ADAMTS6: variants seen among roughly 807,000 people sequenced by gnomAD.
ADAMTS6 encodes ADAM metallopeptidase with thrombospondin type 1 motif 6, also known as A disintegrin and metalloproteinase with thrombospondin motifs 6.
ADAMTS6 carries 23 observed loss-of-function variants against 144.3 expected under a neutral mutation model. The ratio of observed to expected loss-of-function variants is 0.16; its 90% CI spans 0.11 to 0.23. The LOEUF (loss-of-function observed/expected upper bound fraction) is 0.23, where lower values mean the gene tolerates loss of function less well. ADAMTS6 is among the 10% of genes least tolerant of loss of function. The pLI, the probability that ADAMTS6 is intolerant of heterozygous loss-of-function variation, is 1.00. For synonymous variants in ADAMTS6, 444 were observed against 457.5 expected, an observed-to-expected ratio of 0.97 and a Z score of 0.38; for missense variants, 999 against 1,379.6, an observed-to-expected ratio of 0.72 and a Z score of 4.37.
At chr5:65,398,752 A>G (rs1454423170) in intron 7 of ADAMTS6, among the ~76,000 whole-genome samples, 1 of 150,540 alleles carries the variant, frequency 6.6e-6, no homozygotes, top group East Asian at 2.0e-4. Flanking sequence ...AGATAAAGAG[A>G]GAAAGAGAGA....
chr5:65,409,534 AC>A (rs1419237823), intron 7 of ADAMTS6, among the ~76,000 whole-genome samples: 1 of 152,116 alleles, frequency 6.6e-6, no homozygotes, highest in African/African-American at 2.4e-5. Flanking sequence ...AAAGTCCAGG[AC>A]CAGACAGATT....
chr5:65,181,604 C>T (rs900542266), intron 22 of ADAMTS6, among the ~76,000 whole-genome samples: 14 of 152,152 alleles, frequency 9.2e-5, no homozygotes, highest in African/African-American at 3.1e-4. Flanking sequence ...GGCCTTGTGA[C>T]CCATACTTTA....
chr5:65,426,880 A>G (rs1487175933), intron 7 of ADAMTS6, among the ~76,000 whole-genome samples: 1 of 152,190 alleles, frequency 6.6e-6, no homozygotes, highest in African/African-American at 2.4e-5. Context: ...GCCCACAGAT[A>G]AAGAAGGCAC....
chr5:65,398,836 GAAAGAAAGAAAGAAAAAGAAAGAGAA>G, intron 7 of ADAMTS6, among the ~76,000 whole-genome samples: 1 of 131,558 alleles, frequency 7.6e-6, no homozygotes, highest in South Asian at 2.3e-4. Flanking sequence ...AAGAAAGAAA[GAAAGAAAGAAAGAAAAAGAAAGAGAA>G]AGAAAGAAAG....
At chr5:65,453,465 G>A (rs1263201866) in intron 4 of ADAMTS6, among the ~76,000 whole-genome samples, 6 of 152,122 alleles carry the variant, frequency 3.9e-5, no homozygotes, top group Non-Finnish European at 7.4e-5. Context: ...TTTCACTTAG[G>A]TTGGCAGTCT....
At chr5:65,476,749 C>G (rs1760864450) in intron 1 of ADAMTS6, among the ~76,000 whole-genome samples, 1 of 152,090 alleles carries the variant, frequency 6.6e-6, no homozygotes. Context: ...GCTGGGATTA[C>G]AGATGCGTGC....
intron 1 of ADAMTS6, among the ~76,000 whole-genome samples, chr5:65,479,342 A>G (rs916284502): frequency 6.6e-6 from 1 of 152,228 alleles, no homozygotes; most frequent in Non-Finnish European, 1.5e-5. Flanking sequence ...GTGAAACTAA[A>G]CACATAAATT....
At chr5:65,426,666 AT>A (rs1756562761) in intron 7 of ADAMTS6, among the ~76,000 whole-genome samples, 1 of 152,124 alleles carries the variant, frequency 6.6e-6, no homozygotes, top group South Asian at 2.1e-4. Flanking sequence ...ACTTGTAGAT[AT>A]GAAAAAATTA....
At chr5:65,271,256 T>C (rs1392012138) in intron 12 of ADAMTS6, among the ~76,000 whole-genome samples, 2 of 151,426 alleles carry the variant, frequency 1.3e-5, no homozygotes, top group Non-Finnish European at 2.9e-5. Flanking sequence ...GGCATGGTGG[T>C]ATGTGCCTGT....
At chr5:65,351,457 G>A (rs1313611424) in intron 7 of ADAMTS6, among the ~76,000 whole-genome samples, 2 of 152,050 alleles carry the variant, frequency 1.3e-5, no homozygotes, top group Non-Finnish European at 2.9e-5. Context: ...AAAATCTTGG[G>A]GAATCACAAT....
intron 15 of ADAMTS6, among the ~76,000 whole-genome samples, chr5:65,227,142 A>C (rs1021354302): frequency 3.3e-5 from 5 of 152,208 alleles, no homozygotes; most frequent in Non-Finnish European, 5.9e-5. Flanking sequence ...AATTTGATTA[A>C]TTCTTATGAA....
At chr5:65,164,361 A>C (rs1429012128) in intron 24 of ADAMTS6, among the ~76,000 whole-genome samples, 1 of 152,116 alleles carries the variant, frequency 6.6e-6, no homozygotes, top group African/African-American at 2.4e-5. Context: ...TATATCCCGC[A>C]CCTGGCTCGG....
intron 1 of ADAMTS6, among the ~76,000 whole-genome samples, chr5:65,474,300 G>A (rs1315323390): frequency 6.6e-6 from 1 of 152,218 alleles, no homozygotes; most frequent in East Asian, 1.9e-4. Context: ...TTCATTATAT[G>A]TGACAAACAA....
intron 7 of ADAMTS6, among the ~76,000 whole-genome samples, chr5:65,420,529 G>A (rs959020105): frequency 2.0e-5 from 3 of 152,022 alleles, no homozygotes; most frequent in Non-Finnish European, 4.4e-5. Flanking sequence ...TTACAGGCAT[G>A]CATCACCACA....
chr5:65,377,169 C>A (rs1296099350), intron 7 of ADAMTS6, among the ~76,000 whole-genome samples: 2 of 152,124 alleles, frequency 1.3e-5, no homozygotes, highest in African/African-American at 2.4e-5. Context: ...TGAGAAATTT[C>A]TGGTGGGAGT....
intron 7 of ADAMTS6, among the ~76,000 whole-genome samples, chr5:65,427,749 G>A (rs1756663327): frequency 6.7e-6 from 1 of 150,050 alleles, no homozygotes; most frequent in Non-Finnish European, 1.5e-5. Flanking sequence ...AGTGAGCCAA[G>A]CTCATGCCAC....
At chr5:65,343,058 C>G (rs964428569) in intron 7 of ADAMTS6, among the ~76,000 whole-genome samples, 1 of 151,950 alleles carries the variant, frequency 6.6e-6, no homozygotes, top group African/African-American at 2.4e-5. Flanking sequence ...AGGACACAAA[C>G]CAATGGAAAG....
At chr5:65,304,504 C>T (rs1580345822) in intron 9 of ADAMTS6, among the ~76,000 whole-genome samples, 1 of 152,182 alleles carries the variant, frequency 6.6e-6, no homozygotes, top group Non-Finnish European at 1.5e-5. Flanking sequence ...GCAATCATGG[C>T]TCACTGCAGC....
intron 12 of ADAMTS6, among the ~76,000 whole-genome samples, chr5:65,268,492 G>A (rs964588000): frequency 1.3e-5 from 2 of 152,154 alleles, no homozygotes; most frequent in South Asian, 4.1e-4. Flanking sequence ...CTCTCTGGCT[G>A]AAAGTTATAT....
Sources: gnomAD v4.1 joint callset for allele counts (sites outside exome capture counted in the v4.1 genomes callset) on GRCh38, gnomAD v4.1.1 for gene constraint, MANE v1.5 for transcripts, NCBI Gene and HGNC (gene_info 2026-07-23, HGNC 2026-07-21) for gene names.